Variants in NWD1 observed in about 807,000 individuals in gnomAD.
The protein encoded by NWD1 is NACHT domain- and WD repeat-containing protein 1.
A neutral mutation model predicts 135.1 loss-of-function variants in NWD1; 129 were observed. The ratio of observed to expected loss-of-function variants is 0.96; its 90% CI spans 0.83 to 1.11. The LOEUF is 1.11. Among genes scored for constraint, NWD1 ranks in the 50% least tolerant of loss-of-function variants. The pLI, the probability that NWD1 is intolerant of heterozygous loss-of-function variation, is 0.00. For missense variants in NWD1, 1,740 were observed against 1,851.3 expected (o/e 0.94, Z 1.10); for synonymous variants, 773 against 786.0 (o/e 0.98, Z 0.28).
Position 16,744,594 on chromosome 19 carries a change from A to G in NWD1, c.372A>G (p.Pro124=). The G allele has an allele frequency of 6.5e-7, 1 of 1,535,086 alleles. No individual in the cohort carries two copies. Among genetic ancestry groups the G allele is most frequent in the Non-Finnish European group, 8.7e-7 (1 of 1,146,278 alleles). Residue 124 remains proline (P), a synonymous_variant, in exon 5 of 19, where the codon CCA becomes CCG. Coordinates refer to ENST00000524140, the MANE Select transcript of NWD1 (RefSeq NM_001007525.5). ...CTCCCACCTACGTCCTGCAGGCACC[A>G]GGTACTGGGGAGGCCTGTGAACCAG... The part of the protein sequence containing the change: ...AFPPTYVLQA[P]GTGEACEPEE...
chr19:16,785,542 C>T (rs531014335), intron 12 of NWD1, among the ~76,000 whole-genome samples: 89 of 150,490 alleles, frequency 5.9e-4, no homozygotes, highest in African/African-American at 2.1e-3. Flanking sequence ...ATAAAATAAA[C>T]AAACAAAATT....
At chr19:16,785,904 G>A (rs201219354) in intron 12 of NWD1, among the ~76,000 whole-genome samples, 4 of 150,620 alleles carry the variant, frequency 2.7e-5, no homozygotes, top group African/African-American at 7.3e-5. Flanking sequence ...CCACTCTGTC[G>A]CCCAGGCTGG....
At chr19:16,720,329 G>T (rs991557157) in intron 1 of NWD1, 36 bp downstream of exon 1, 1 of 152,194 alleles carries the variant, frequency 6.6e-6, no homozygotes, top group African/African-American at 2.4e-5. Context: ...TAAGGCGATG[G>T]CATTGGGAGT....
chr19:16,804,494 C>T (rs1195364664), intron 17 of NWD1, among the ~76,000 whole-genome samples: 1 of 151,808 alleles, frequency 6.6e-6, no homozygotes, highest in African/African-American at 2.4e-5. Context: ...ACTCCAGAGT[C>T]TGAGGCAGGA....
intron 14 of NWD1, among the ~76,000 whole-genome samples, chr19:16,792,886 A>G (rs1181671515): frequency 6.7e-6 from 1 of 150,154 alleles, no homozygotes; most frequent in African/African-American, 2.5e-5. Context: ...CAAAAAAAAA[A>G]AAAAAAAAAG....
intron 4 of NWD1, chr19:16,738,132 C>T: frequency 2.5e-6 from 1 of 398,200 alleles, no homozygotes; most frequent in Middle Eastern, 3.6e-4. Context: ...ATTGTTTAGC[C>T]CTGCTTTCAA....
At chr19:16,735,287 T>G (rs1967745522) in intron 3 of NWD1, among the ~76,000 whole-genome samples, 1 of 152,092 alleles carries the variant, frequency 6.6e-6, no homozygotes, top group African/African-American at 2.4e-5. Flanking sequence ...ACAGTTCACT[T>G]GAGATCAGGA....
intron 15 of NWD1, among the ~76,000 whole-genome samples, chr19:16,797,140 A>T (rs2123083268): frequency 6.6e-6 from 1 of 151,290 alleles, no homozygotes; most frequent in East Asian, 2.0e-4. Context: ...AGATCATGCC[A>T]CTGCACTCCA....
At chr19:16,776,310 C>T (rs1969596730) in intron 11 of NWD1, among the ~76,000 whole-genome samples, 1 of 152,088 alleles carries the variant, frequency 6.6e-6, no homozygotes, top group African/African-American at 2.4e-5. Context: ...TGGCTCACGC[C>T]TGTAATCCCA....
intron 2 of NWD1, among the ~76,000 whole-genome samples, chr19:16,729,918 G>A (rs1967488686): frequency 6.6e-6 from 1 of 150,828 alleles, no homozygotes; most frequent in South Asian, 2.1e-4. Context: ...AGGAAGGAAG[G>A]AAGGAAGGAA....
In NWD1 at chr19:16,791,431, G is replaced by A. The variant is rs574827018; in HGVS notation, c.3022G>A (p.Val1008Met). ...DASDPWMCMA[V>M]LASQATLLTV... is the part of the protein sequence containing the mutation. ...CTCTGATCCTTGGATGTGCATGGCCGTGCTGGCCTCCCAGGCCACACTGCT... is the reference window on the plus strand; with the variant it reads ...CTCTGATCCTTGGATGTGCATGGCCATGCTGGCCTCCCAGGCCACACTGCT... The change falls in exon 14 of 19, where the codon GTG (valine) becomes ATG (methionine). Residue 1008 changes from valine to methionine, a missense_variant. Val to Met is a conservative substitution (Grantham distance 21). Coordinates refer to ENST00000524140, the MANE Select transcript of NWD1 (RefSeq NM_001007525.5). The A allele has an allele frequency of 2.3e-4, 371 of 1,614,034 alleles. 3 individuals are homozygous for A. In the South Asian group the frequency reaches 3.3e-3, roughly 14 times the overall value.
At chr19:16,769,033 A>T (rs1274754869) in intron 10 of NWD1, among the ~76,000 whole-genome samples, 1 of 152,174 alleles carries the variant, frequency 6.6e-6, no homozygotes, top group African/African-American at 2.4e-5. Context: ...AGCACTCAGA[A>T]GAATCTTGAA....
intron 4 of NWD1, among the ~76,000 whole-genome samples, chr19:16,742,881 C>CTATTATTATTATTATTAT (rs34646876): frequency 2.3e-5 from 3 of 132,968 alleles, no homozygotes; most frequent in South Asian, 2.5e-4. Context: ...ACTATGTTGC[C>CTATTATTATTATTATTAT]TATTATTATT....
intron 11 of NWD1, among the ~76,000 whole-genome samples, chr19:16,774,849 A>G (rs756011508): frequency 2.5e-4 from 37 of 150,150 alleles, no homozygotes; most frequent in Non-Finnish European, 4.2e-4. Context: ...CCATTCATTC[A>G]CTTACGCCTC....
intron 12 of NWD1, among the ~76,000 whole-genome samples, chr19:16,786,473 T>C (rs1970044564): frequency 6.6e-6 from 1 of 152,142 alleles, no homozygotes; most frequent in Non-Finnish European, 1.5e-5. Context: ...AGAGGAATTT[T>C]GTTAGCCCTT....
chr19:16,731,707 C>T lies in NWD1; in HGVS notation c.81+429C>T, dbSNP rs547136071. 1.5e-3 allele frequency among the ~76,000 whole-genome samples: 229 copies of T among 151,336 alleles called. 2 individuals are homozygous for T. Among genetic ancestry groups the T allele is most frequent in the African/African-American group, 5.0e-3 (205 of 41,208 alleles). On this transcript the variant is annotated intron_variant, in intron 3 of 18. Coordinates refer to ENST00000524140, the MANE Select transcript of NWD1 (RefSeq NM_001007525.5). ...GCAACCTTGGCCTCCAGGGTTCAAGCGATTCTCTCGCCTCAGCCTCCTGAG... is the reference window on the plus strand; with the variant it reads ...GCAACCTTGGCCTCCAGGGTTCAAGTGATTCTCTCGCCTCAGCCTCCTGAG...
chr19:16,787,876 C>CAATAATAATAAT (rs534816872), intron 12 of NWD1, among the ~76,000 whole-genome samples: 1 of 119,490 alleles, frequency 8.4e-6, no homozygotes, highest in East Asian at 2.6e-4. Context: ...GTAATAATAA[C>CAATAATAATAAT]AATAATAATA....
chr19:16,747,572 C>T (rs1217492796), intron 5 of NWD1, among the ~76,000 whole-genome samples: 2 of 151,752 alleles, frequency 1.3e-5, no homozygotes, highest in African/African-American at 2.4e-5. Context: ...GGGGTTTTGC[C>T]GTTTTGCACA....
intron 3 of NWD1, among the ~76,000 whole-genome samples, chr19:16,734,611 C>T (rs1490791984): frequency 3.3e-5 from 5 of 149,466 alleles, no homozygotes; most frequent in Non-Finnish European, 7.4e-5. Context: ...GGGTGTCGCT[C>T]TGTCACCCAG....
Sources: gnomAD v4.1 joint callset for allele counts (sites outside exome capture counted in the v4.1 genomes callset) on GRCh38, gnomAD v4.1.1 for gene constraint, MANE v1.5 for transcripts, NCBI Gene and HGNC (gene_info 2026-07-23, HGNC 2026-07-21) for gene names.